The following NEBL variants were observed in gnomAD, a reference collection of about 807,000 sequenced individuals.
NEBL encodes nebulette, also known as LIM and SH3 protein 2.
Under a neutral mutation model 140.2 loss-of-function variants are expected in NEBL, and 122 were observed. That is an observed-to-expected ratio of 0.87 (90% CI 0.75 to 1.01). NEBL has a LOEUF of 1.01. Among genes scored for constraint, NEBL ranks in the 50% least tolerant of loss-of-function variants. The pLI, the probability that NEBL is intolerant of heterozygous loss-of-function variation, is 0.00. For synonymous variants in NEBL, 436 were observed against 398.9 expected (o/e 1.09, Z -1.11); for missense variants, 1,365 against 1,231.3 (o/e 1.11, Z -1.62).
intron 2 of NEBL, among the ~76,000 whole-genome samples, chr10:21,141,106 A>G (rs1589276523): frequency 6.6e-6 from 1 of 151,116 alleles, no homozygotes; most frequent in African/African-American, 2.4e-5. Context: ...ATCTCACTAT[A>G]TGAAAGAAAA....
At chr10:21,084,383 A>C (rs1836520791) in intron 2 of NEBL, among the ~76,000 whole-genome samples, 1 of 152,220 alleles carries the variant, frequency 6.6e-6, no homozygotes, top group Admixed American at 6.5e-5. Flanking sequence ...CGCTGCAATC[A>C]CTGAGTAGAT....
chr10:21,158,640 A>G (rs767716705), intron 2 of NEBL, among the ~76,000 whole-genome samples: 1 of 152,166 alleles, frequency 6.6e-6, no homozygotes, highest in African/African-American at 2.4e-5. Flanking sequence ...CCAGGACCAC[A>G]TCTACAGGGT....
intron 2 of NEBL, among the ~76,000 whole-genome samples, chr10:21,074,669 G>A (rs1039455802): frequency 6.6e-6 from 1 of 151,890 alleles, no homozygotes; most frequent in Non-Finnish European, 1.5e-5. Flanking sequence ...CAGTAGAGAC[G>A]GGGTTTCACT....
intron 3 of NEBL, among the ~76,000 whole-genome samples, chr10:21,216,779 A>C (rs1306599884): frequency 6.6e-6 from 1 of 151,334 alleles, no homozygotes; most frequent in African/African-American, 2.4e-5. Context: ...TCGAAAAAAA[A>C]AAAAGAAAAA....
chr10:20,820,344 A>G (rs1159463406), intron 19 of NEBL, among the ~76,000 whole-genome samples: 1 of 152,328 alleles, frequency 6.6e-6, no homozygotes, highest in South Asian at 2.1e-4. Flanking sequence ...CCCAAAATAA[A>G]TGAGCATCAA....
chr10:20,876,568 C>T (rs1418833016), intron 5 of NEBL, among the ~76,000 whole-genome samples: 3 of 152,024 alleles, frequency 2.0e-5, no homozygotes, highest in African/African-American at 7.2e-5. Context: ...TAAGAAAGTA[C>T]ATATATCATT....
chr10:21,142,658 T>C (rs1371062246), intron 2 of NEBL, among the ~76,000 whole-genome samples: 5 of 152,174 alleles, frequency 3.3e-5, no homozygotes. Context: ...AGATAGACTA[T>C]ATCAGGGGCC....
At position 20,842,447 on chromosome 10, in the gene NEBL, T is replaced by G. The variant is rs16921131; in HGVS notation, c.1228-1598A>C. Reference sequence around the variant, plus strand: ...TGAACACTCTAATGCAATGTCAATGTAAAAACCACAAAGTAAAAAATGCAA... The same window carrying G: ...TGAACACTCTAATGCAATGTCAATGGAAAAACCACAAAGTAAAAAATGCAA... On this transcript the variant is annotated intron_variant, in intron 12 of 27. Coordinates refer to ENST00000377122, the MANE Select transcript of NEBL (RefSeq NM_006393.3). 5.1e-3 allele frequency among the ~76,000 whole-genome samples: 777 copies of G among 152,212 alleles called. 6 individuals are homozygous for G. The highest frequency in any genetic ancestry group is 0.017 in the Middle Eastern group (5 of 294).
intron 4 of NEBL, among the ~76,000 whole-genome samples, chr10:20,929,367 G>C (rs1834068232): frequency 6.6e-6 from 1 of 151,622 alleles, no homozygotes; most frequent in South Asian, 2.1e-4. Context: ...CAATATTAAG[G>C]GTTGTGCTAT....
chr10:21,105,295 G>A lies in NEBL; in HGVS notation c.164+67088C>T, dbSNP rs148676091. On this transcript the variant is annotated intron_variant, in intron 2 of 6. Transcript: ENST00000417816. ...GTTGGCTTGCTACACCCATCAACTC[G>A]TCATTTACATTAGGTATTTTCCTAA... Among the ~76,000 whole-genome samples the A allele has an allele frequency of 2.2e-4, 33 of 152,088 alleles. No individual in the cohort carries two copies. The East Asian group carries it at 3.5e-3, about 16-fold the overall frequency.
At chr10:21,229,807 G>A (rs1294559882) in intron 3 of NEBL, among the ~76,000 whole-genome samples, 1 of 152,192 alleles carries the variant, frequency 6.6e-6, no homozygotes, top group Non-Finnish European at 1.5e-5. Context: ...TGTAAAATGG[G>A]GATAACATGT....
At chr10:21,064,135 T>G (rs1191549457) in intron 2 of NEBL, among the ~76,000 whole-genome samples, 3 of 152,190 alleles carry the variant, frequency 2.0e-5, no homozygotes, top group Non-Finnish European at 4.4e-5. Context: ...TTTGTTTTGC[T>G]GTGTCTGTTG....
At chr10:20,860,445 TAAAAC>T (rs1843563845) in intron 7 of NEBL, among the ~76,000 whole-genome samples, 1 of 149,722 alleles carries the variant, frequency 6.7e-6, no homozygotes, top group Non-Finnish European at 1.5e-5. Flanking sequence ...AAAGCACTCT[TAAAAC>T]AACCAAAAAG....
chr10:20,988,579 T>C (rs1837341996), intron 3 of NEBL, among the ~76,000 whole-genome samples: 1 of 152,018 alleles, frequency 6.6e-6, no homozygotes, highest in Non-Finnish European at 1.5e-5. Flanking sequence ...AATTAACCTC[T>C]CTCTCCTCCA....
intron 2 of NEBL, among the ~76,000 whole-genome samples, chr10:21,035,813 A>G (rs1038406924): frequency 7.2e-5 from 11 of 152,186 alleles, no homozygotes; most frequent in Non-Finnish European, 1.5e-4. Context: ...AAATGTACAT[A>G]TATACATATA....
chr10:21,053,763 T>C (rs893491526), intron 2 of NEBL, among the ~76,000 whole-genome samples: 1 of 152,136 alleles, frequency 6.6e-6, no homozygotes, highest in Non-Finnish European at 1.5e-5. Context: ...CTGGGCATGG[T>C]GGCTCAAATC....
chr10:20,799,640 T>C (rs1836904259), intron 26 of NEBL, among the ~76,000 whole-genome samples: 1 of 152,224 alleles, frequency 6.6e-6, no homozygotes, highest in Admixed American at 6.5e-5. Context: ...ATTCTCTTGC[T>C]GAATGCACAT....
Position 20,785,467 on chromosome 10 carries a change from T to C in NEBL, c.*280A>G, listed in dbSNP as rs1364113222. On this transcript the variant is annotated 3_prime_UTR_variant, in exon 28 of 28. Coordinates refer to ENST00000377122, the MANE Select transcript of NEBL (RefSeq NM_006393.3). Reference sequence around the variant, plus strand: ...CTATTAAAGTCTACAAAAATACATTTCCCAGAAGGGTTCAATAGCCAATCA... The same window carrying C: ...CTATTAAAGTCTACAAAAATACATTCCCCAGAAGGGTTCAATAGCCAATCA... 1 of 461,760 alleles carries C rather than the reference T, an allele frequency of 2.2e-6. No homozygotes were observed. The highest frequency in any genetic ancestry group is 4.3e-5 in the East Asian group (1 of 23,050). The allele number at this position is 461,760 out of a possible 1,614,324, so 28.6% of individuals were successfully genotyped here. A position where few individuals can be genotyped will look rare whatever the true frequency, so the allele number is the denominator to read the frequency against.
At chr10:21,042,087 C>T (rs898680796) in intron 2 of NEBL, among the ~76,000 whole-genome samples, 3 of 152,160 alleles carry the variant, frequency 2.0e-5, no homozygotes, top group Non-Finnish European at 4.4e-5. Flanking sequence ...CCTATCTCAT[C>T]CTGTGACTAA....
Sources: allele counts gnomAD v4.1 joint callset (sites outside exome capture counted in the v4.1 genomes callset), GRCh38; gene constraint gnomAD v4.1.1; transcripts MANE v1.5; gene names NCBI Gene and HGNC (gene_info 2026-07-23, HGNC 2026-07-21).